Variants in NLGN1 observed in about 807,000 individuals in gnomAD.
NLGN1 encodes neuroligin 1, also known as neuroligin-1.
NLGN1 carries 12 observed loss-of-function variants against 65.5 expected under a neutral mutation model. The ratio of observed to expected loss-of-function variants is 0.18; its 90% confidence interval spans 0.12 to 0.30. The LOEUF (loss-of-function observed/expected upper bound fraction) is 0.30. Among genes scored for constraint, NLGN1 ranks in the 10% least tolerant of loss-of-function variants. NLGN1 has a pLI of 1.00. For missense variants in NLGN1, 750 were observed against 1,007.1 expected (o/e 0.74, Z 3.46); for synonymous variants, 350 against 359.5 (o/e 0.97, Z 0.30).
At chr3:173,758,564 C>G (rs1167682133) in intron 3 of NLGN1, among the ~76,000 whole-genome samples, 3 of 151,984 alleles carry the variant, frequency 2.0e-5, no homozygotes, top group Non-Finnish European at 4.4e-5. Flanking sequence ...AAAATCCAAG[C>G]TGCTTACCCA....
intron 4 of NLGN1, among the ~76,000 whole-genome samples, chr3:173,905,332 GA>G (rs1738169432): frequency 6.6e-6 from 1 of 152,150 alleles, no homozygotes; most frequent in African/African-American, 2.4e-5. Context: ...CTAGAGTGAG[GA>G]GAGCCAAAGG....
chr3:173,890,030 T>G (rs1039183617), intron 4 of NLGN1, among the ~76,000 whole-genome samples: 1 of 152,032 alleles, frequency 6.6e-6, no homozygotes, highest in Non-Finnish European at 1.5e-5. Flanking sequence ...GGTAAAATTA[T>G]GTAAGTTCAT....
intron 4 of NLGN1, among the ~76,000 whole-genome samples, chr3:173,822,355 A>C (rs1264612178): frequency 6.6e-6 from 1 of 152,130 alleles, no homozygotes; most frequent in Non-Finnish European, 1.5e-5. Flanking sequence ...AGGGGTGATT[A>C]ATAAGTAATA....
chr3:174,148,884 T>C (rs577207303), intron 4 of NLGN1, among the ~76,000 whole-genome samples: 1 of 152,194 alleles, frequency 6.6e-6, no homozygotes, highest in Non-Finnish European at 1.5e-5. Context: ...ATTCTGCTAT[T>C]GCAGGCCTTC....
chr3:174,090,537 G>A (rs745409478), intron 4 of NLGN1, among the ~76,000 whole-genome samples: 9 of 152,112 alleles, frequency 5.9e-5, no homozygotes, highest in South Asian at 2.1e-4. Flanking sequence ...AGTCCCACCC[G>A]CAAAGATATT....
intron 2 of NLGN1, among the ~76,000 whole-genome samples, chr3:173,524,502 A>G (rs182140341): frequency 5.3e-5 from 8 of 152,318 alleles, no homozygotes; most frequent in Admixed American, 4.6e-4. Flanking sequence ...CAATCATGTT[A>G]TCAGCAAACA....
intron 1 of NLGN1, among the ~76,000 whole-genome samples, chr3:173,428,403 T>C (rs1716542412): frequency 6.6e-6 from 1 of 151,952 alleles, no homozygotes; most frequent in Admixed American, 6.6e-5. Flanking sequence ...TTTCTGGTAG[T>C]ATGTTTTATT....
At chr3:173,973,939 A>C (rs1470622720) in intron 4 of NLGN1, among the ~76,000 whole-genome samples, 1 of 152,000 alleles carries the variant, frequency 6.6e-6, no homozygotes, top group Non-Finnish European at 1.5e-5. Context: ...TGAGAACTAA[A>C]CCCTATTCTA....
At chr3:173,834,653 C>T (rs1723235254) in intron 4 of NLGN1, among the ~76,000 whole-genome samples, 1 of 152,128 alleles carries the variant, frequency 6.6e-6, no homozygotes. Context: ...CACATACTAT[C>T]TCATTTAACT....
rs771017529 is a variant in NLGN1 at position 173,879,636 on chromosome 3, G to GT, written c.646+71805dup. On this transcript the variant is annotated intron_variant, in intron 4 of 6. Transcript: ENST00000457714. ...TTGAATATTGATGACTTTTTTCTGT[G>GT]TGTTTTTTTTTTTATCTAATTTGGA... Among the ~76,000 whole-genome samples the GT allele has an allele frequency of 2.1e-3, 310 of 145,216 alleles. 2 individuals are homozygous for GT. The highest frequency in any genetic ancestry group is 7.1e-3 in the African/African-American group (286 of 40,486).
chr3:173,575,306 G>C (rs902832941), intron 2 of NLGN1, among the ~76,000 whole-genome samples: 3 of 152,232 alleles, frequency 2.0e-5, no homozygotes, highest in African/African-American at 7.2e-5. Flanking sequence ...GTAAACTTCA[G>C]TTTATGGAAT....
At chr3:173,632,630 T>C (rs1367622486) in intron 3 of NLGN1, among the ~76,000 whole-genome samples, 1 of 152,166 alleles carries the variant, frequency 6.6e-6, no homozygotes, top group Non-Finnish European at 1.5e-5. Flanking sequence ...CGTTAGATAT[T>C]TGAATACCAG....
At chr3:173,693,404 A>G (rs1306915933) in intron 3 of NLGN1, among the ~76,000 whole-genome samples, 1 of 152,108 alleles carries the variant, frequency 6.6e-6, no homozygotes. Context: ...GTAGAAAACA[A>G]TGGAGAATAA....
At chr3:173,719,952 A>G (rs1485941733) in intron 3 of NLGN1, among the ~76,000 whole-genome samples, 1 of 151,996 alleles carries the variant, frequency 6.6e-6, no homozygotes, top group Admixed American at 6.6e-5. Context: ...TCGTCTCTAC[A>G]AAAATTTAAA....
chr3:174,206,911 T>G (rs1735522880), intron 4 of NLGN1, among the ~76,000 whole-genome samples: 1 of 151,866 alleles, frequency 6.6e-6, no homozygotes, highest in Non-Finnish European at 1.5e-5. Context: ...GGTTCAAGAG[T>G]AAGTACTTCT....
intron 3 of NLGN1, among the ~76,000 whole-genome samples, chr3:173,733,735 T>G (rs1773246946): frequency 6.6e-6 from 1 of 152,168 alleles, no homozygotes; most frequent in Non-Finnish European, 1.5e-5. Context: ...GTGACTAATT[T>G]ATTCAGTCTT....
chr3:173,704,476 T>TA (rs1484661365), intron 3 of NLGN1, among the ~76,000 whole-genome samples: 2 of 152,146 alleles, frequency 1.3e-5, no homozygotes, highest in Non-Finnish European at 1.5e-5. Flanking sequence ...ATAACAGTTA[T>TA]AAAAATCAAT....
At chr3:174,076,712 AGAGAGAGAGAGAGTGT>A (rs1279306089) in intron 4 of NLGN1, among the ~76,000 whole-genome samples, 358 of 137,352 alleles carry the variant, frequency 2.6e-3, no homozygotes, top group African/African-American at 9.0e-3. Flanking sequence ...AGAGAGAGAG[AGAGAGAGAGAGAGTGT>A]GTGTGTGTGT....
chr3:174,103,176 T>A (rs1712934239), intron 4 of NLGN1, among the ~76,000 whole-genome samples: 1 of 152,180 alleles, frequency 6.6e-6, no homozygotes. Context: ...AACATTGCAT[T>A]TTTCTACATA....
Sources: gnomAD v4.1 joint callset for allele counts (sites outside exome capture counted in the v4.1 genomes callset) on GRCh38, gnomAD v4.1.1 for gene constraint, MANE v1.5 for transcripts, NCBI Gene and HGNC (gene_info 2026-07-23, HGNC 2026-07-21) for gene names.